RFT1: variants seen among roughly 807,000 people sequenced by gnomAD.
RFT1 encodes the protein man(5)GlcNAc(2)-PP-dolichol translocation protein RFT1.
A neutral mutation model predicts 62.2 loss-of-function variants in RFT1; 43 were observed. The observed-to-expected ratio is 0.69, with a 90% confidence interval of 0.54 to 0.89. The LOEUF (loss-of-function observed/expected upper bound fraction) is 0.89. RFT1 is among the 40% of genes least tolerant of loss of function. The probability of loss-of-function intolerance (pLI) is 0.00; values close to 1 mark genes in which losing one functional copy is unlikely to be tolerated. For missense variants in RFT1, 605 were observed against 649.9 expected (o/e 0.93, Z 0.75); for synonymous variants, 262 against 264.6 (o/e 0.99, Z 0.10).
chr3:53,119,332 G>A (rs943716509), intron 6 of RFT1, among the ~76,000 whole-genome samples: 1 of 152,224 alleles, frequency 6.6e-6, no homozygotes, highest in Admixed American at 6.5e-5. Context: ...GAACACAATG[G>A]TGGAGCCTGT....
intron 10 of RFT1, 50 bp downstream of exon 10, chr3:53,103,903 C>A: frequency 6.2e-7 from 1 of 1,609,752 alleles, no homozygotes; most frequent in South Asian, 1.1e-5. Context: ...CGTGACTCTT[C>A]TATTTATGTT....
intron 11 of RFT1, among the ~76,000 whole-genome samples, chr3:53,094,470 C>G (rs1701086517): frequency 6.6e-6 from 1 of 151,838 alleles, no homozygotes; most frequent in African/African-American, 2.4e-5. Context: ...CTTTTCAGTC[C>G]AGAGAGAGTC....
At chr3:53,075,549 G>A in the RFT1 span, among the ~76,000 whole-genome samples, 9 of 152,186 alleles carry the variant, frequency 5.9e-5, no homozygotes, top group African/African-American at 1.9e-4. Flanking sequence ...AGGAGCCTCC[G>A]ACAATGCATA....
At chr3:53,095,383 T>C (rs1205388915) in intron 11 of RFT1, among the ~76,000 whole-genome samples, 1 of 151,976 alleles carries the variant, frequency 6.6e-6, no homozygotes, top group East Asian at 1.9e-4. Context: ...TTCTCCATGG[T>C]CCCAAGAAAA....
chr3:53,111,053 A>G (rs2107133171), intron 7 of RFT1, among the ~76,000 whole-genome samples: 1 of 152,304 alleles, frequency 6.6e-6, no homozygotes, highest in East Asian at 1.9e-4. Context: ...TAAATCCAGG[A>G]TTAGGGAATT....
intron 2 of RFT1, 147 bp from the exon 3 acceptor site, chr3:53,123,987 C>T: frequency 3.0e-6 from 2 of 673,690 alleles, no homozygotes; most frequent in South Asian, 1.6e-5. Flanking sequence ...TACAGGACCC[C>T]CTACCGGTCT....
At chr3:53,068,618 G>A in the RFT1 span, among the ~76,000 whole-genome samples, 3 of 150,608 alleles carry the variant, frequency 2.0e-5, no homozygotes, top group Non-Finnish European at 4.4e-5. Context: ...TCCAAGAGCT[G>A]CAGCCAGGCA....
chr3:53,092,760 G>C (rs1428699678), intron 11 of RFT1, 142 bp from the exon 12 acceptor site: 1 of 929,046 alleles, frequency 1.1e-6, no homozygotes, highest in South Asian at 1.6e-5. Flanking sequence ...AATGCTACCT[G>C]GAGACCATGG....
chr3:53,071,312 C>A, the RFT1 span, among the ~76,000 whole-genome samples: 1 of 152,168 alleles, frequency 6.6e-6, no homozygotes, highest in Non-Finnish European at 1.5e-5. Context: ...AATGGGTACA[C>A]CGATCCCTAT....
chr3:53,121,882 G>T, intron 4 of RFT1, 82 bp from the exon 5 acceptor site: 1 of 1,170,338 alleles, frequency 8.5e-7, no homozygotes, highest in South Asian at 1.3e-5. Flanking sequence ...GAAAATCTAG[G>T]GCAGTGGTCA....
the RFT1 span, among the ~76,000 whole-genome samples, chr3:53,072,876 G>C: frequency 6.6e-6 from 1 of 152,356 alleles, no homozygotes; most frequent in Non-Finnish European, 1.5e-5. Flanking sequence ...TCTCCTCACA[G>C]GGCTCCGCCC....
the RFT1 span, among the ~76,000 whole-genome samples, chr3:53,071,352 C>A: frequency 6.6e-6 from 1 of 152,184 alleles, no homozygotes; most frequent in Non-Finnish European, 1.5e-5. Flanking sequence ...AGGACCCCTG[C>A]GCTAATGAGA....
At chr3:53,074,076 G>A in the RFT1 span, among the ~76,000 whole-genome samples, 1 of 152,194 alleles carries the variant, frequency 6.6e-6, no homozygotes, top group South Asian at 2.1e-4. Flanking sequence ...GGGCCCTGGG[G>A]TCTCTGTCTC....
the RFT1 span, among the ~76,000 whole-genome samples, chr3:53,083,474 A>G: frequency 1.0e-4 from 15 of 149,882 alleles, no homozygotes; most frequent in Non-Finnish European, 2.2e-4. Flanking sequence ...CAGCCTGGGC[A>G]ACAGAGCAAG....
chr3:53,111,038 G>A (rs1701633688), intron 7 of RFT1, among the ~76,000 whole-genome samples: 1 of 151,970 alleles, frequency 6.6e-6, no homozygotes, highest in Non-Finnish European at 1.5e-5. Flanking sequence ...TGTTGTTTAA[G>A]AAAATAAATC....
chr3:53,101,775 G>A (rs1317827455), intron 10 of RFT1, among the ~76,000 whole-genome samples: 2 of 152,200 alleles, frequency 1.3e-5, no homozygotes, highest in Non-Finnish European at 2.9e-5. Flanking sequence ...AGTGGCTCAT[G>A]CTTGTAATCT....
At position 53,104,084 on chromosome 3, in the gene RFT1, A is replaced by G. The variant is rs1701395755; in HGVS notation, c.971T>C (p.Val324Ala). The change falls in exon 10 of 13, where the codon GTG becomes GCG. Residue 324 changes from valine (V) to alanine (A), a missense_variant. Coordinates refer to ENST00000296292, the MANE Select transcript of RFT1 (RefSeq NM_052859.4). The stretch of plus-strand genomic sequence containing the variant: ...CAGGGACTCCAAGACTGCAGCAGCC[A>G]CAGCAACGTCCTCCTGGGGCCAGGG... ...ATLQKQEDVAVAAAVLESLLK... is the reference protein window; with the variant it reads ...ATLQKQEDVAAAAAVLESLLK... 6.2e-7 allele frequency: 1 copy of G among 1,614,212 alleles called. No homozygotes were observed. The highest frequency in any genetic ancestry group is 8.5e-7 in the Non-Finnish European group (1 of 1,180,026).
chr3:53,091,923 G>C lies in RFT1; in HGVS notation c.1606C>G (p.Arg536Gly). Residue 536 changes from arginine to glycine, a missense_variant, in exon 13 of 13, where the codon CGC becomes GGC. Transcript: ENST00000296292. ...FLRTQLGVPR[R>G]TDKMT ...TGAAGTCATGTCATTTTGTCAGTGC[G>C]TCTGGGCACACCTAACTGAGTCCTG... The C allele has an allele frequency of 6.2e-7, 1 of 1,614,206 alleles. No individual in the cohort carries two copies. Among genetic ancestry groups the C allele is most frequent in the South Asian group, 1.1e-5 (1 of 91,082 alleles).
intron 11 of RFT1, among the ~76,000 whole-genome samples, chr3:53,096,419 C>T (rs62255929): frequency 0.27 from 41,080 of 151,814 alleles, 6,047 homozygotes; most frequent in Middle Eastern, 0.4. Flanking sequence ...CGTTGGCTCA[C>T]TCCTATAATC....
Sources: allele counts gnomAD v4.1 joint callset (sites outside exome capture counted in the v4.1 genomes callset), GRCh38; gene constraint gnomAD v4.1.1; transcripts MANE v1.5; gene names NCBI Gene and HGNC (gene_info 2026-07-23, HGNC 2026-07-21).